Variants in PCDHA12 observed in about 807,000 individuals in gnomAD.
PCDHA12 encodes the protein protocadherin alpha-12.
A neutral mutation model predicts 60.0 loss-of-function variants in PCDHA12; 44 were observed. The ratio of observed to expected loss-of-function variants is 0.73; its 90% CI spans 0.58 to 0.94. PCDHA12 has a LOEUF of 0.94. PCDHA12 is among the 40% of genes least tolerant of loss of function. The pLI is 0.00. For synonymous variants in PCDHA12, 569 were observed against 553.0 expected (o/e 1.03, Z -0.40); for missense variants, 1,276 against 1,239.7 (o/e 1.03, Z -0.44).
chr5:141,000,780 A>G (rs2097963386), intron 3 of PCDHA12, among the ~76,000 whole-genome samples: 1 of 151,780 alleles, frequency 6.6e-6, no homozygotes, highest in Admixed American at 6.6e-5. Context: ...AGTGGCGCAC[A>G]CCTGTATTCC....
rs147219331 is a variant in PCDHA12, at chr5:140,927,900, T to C, written c.2367+50061T>C. On this transcript the variant is annotated intron_variant, in intron 1 of 3. Transcript: ENST00000398631. Reference sequence around the variant, plus strand: ...TGGAGGTGACTGACGTGAACGATCATGCCCCCGAACTGGACTTCCTGACTC... The same window carrying C: ...TGGAGGTGACTGACGTGAACGATCACGCCCCCGAACTGGACTTCCTGACTC... 2,142 of 1,614,232 alleles carry C rather than the reference T, an allele frequency of 1.3e-3. 2 individuals are homozygous for C. The highest frequency in any genetic ancestry group is 1.7e-3 in the Non-Finnish European group (2,053 of 1,180,040).
chr5:140,956,044 T>G (rs1335890349), intron 1 of PCDHA12, among the ~76,000 whole-genome samples: 1 of 152,200 alleles, frequency 6.6e-6, no homozygotes, highest in African/African-American at 2.4e-5. Context: ...AAGAAGCTTT[T>G]GGGCTGAGAC....
intron 1 of PCDHA12, among the ~76,000 whole-genome samples, chr5:140,879,426 G>T (rs2057986144): frequency 6.6e-6 from 1 of 152,302 alleles, no homozygotes; most frequent in South Asian, 2.1e-4. Flanking sequence ...GAATGGAGAT[G>T]AACATTTAAG....
At position 141,010,550 on chromosome 5, in the gene PCDHA12, ACCCC is replaced by A; in HGVS notation, c.*615_*618del. 6.3e-6 allele frequency: 2 copies of A among 316,712 alleles called. No homozygotes were observed. Among genetic ancestry groups the A allele is most frequent in the South Asian group, 1.1e-4 (2 of 17,516 alleles). The allele number at this position is 316,712 out of a possible 1,614,324, so 19.6% of individuals were successfully genotyped here. A position where few individuals can be genotyped will look rare whatever the true frequency, so the allele number is the denominator to read the frequency against. On this transcript the variant is annotated 3_prime_UTR_variant, in exon 4 of 4. Coordinates refer to ENST00000398631, the MANE Select transcript of PCDHA12 (RefSeq NM_018903.4). ...CAGCCACCCTCTAGGAGACAAAACT[ACCCC>A]CACTGACAAGGCTTTAGGAGACCCT...
chr5:140,902,657 T>G (rs1331790009), intron 1 of PCDHA12, among the ~76,000 whole-genome samples: 2 of 152,160 alleles, frequency 1.3e-5, no homozygotes, highest in Non-Finnish European at 2.9e-5. Context: ...GGTGCACCTG[T>G]CACCCAAGCA....
chr5:140,973,812 G>A (rs897592585), intron 1 of PCDHA12, among the ~76,000 whole-genome samples: 10 of 152,236 alleles, frequency 6.6e-5, no homozygotes, highest in Admixed American at 6.5e-4. Context: ...TGACAGAATA[G>A]CAAAGTCAGT....
At chr5:140,959,285 G>A (rs2095478960) in intron 1 of PCDHA12, among the ~76,000 whole-genome samples, 1 of 152,002 alleles carries the variant, frequency 6.6e-6, no homozygotes, top group African/African-American at 2.4e-5. Flanking sequence ...CCTGAGGTGG[G>A]AGCATCACTG....
At chr5:140,882,755 G>T in intron 1 of PCDHA12, 1 of 1,614,230 alleles carries the variant, frequency 6.2e-7, no homozygotes, top group Non-Finnish European at 8.5e-7. Flanking sequence ...TGCAGATATT[G>T]GAGTAAACTC....
intron 1 of PCDHA12, among the ~76,000 whole-genome samples, chr5:140,925,706 T>C (rs371734955): frequency 2.0e-5 from 3 of 151,422 alleles, no homozygotes; most frequent in Admixed American, 6.6e-5. Context: ...AGCCTATTCT[T>C]ATCCTGCCTC....
chr5:140,912,533 A>G (rs570012858), intron 1 of PCDHA12, among the ~76,000 whole-genome samples: 1 of 152,224 alleles, frequency 6.6e-6, no homozygotes, highest in African/African-American at 2.4e-5. Flanking sequence ...AGAGTACATG[A>G]TCATATTGTC....
rs77940063 is a variant in PCDHA12, at chr5:140,966,638, T to G, written c.2368-12311T>G. Reference sequence around the variant, plus strand: ...ACGGAGGGAGCGGCCCCAGGCGCTTTCTAGAGCGTGAGCGGTGGGGGAGCA... The same window carrying G: ...ACGGAGGGAGCGGCCCCAGGCGCTTGCTAGAGCGTGAGCGGTGGGGGAGCA... On this transcript the variant is annotated intron_variant, in intron 1 of 3. Transcript: ENST00000398631. The G allele has an allele frequency of 3.9e-3, 4,251 of 1,090,104 alleles. 104 individuals carry two copies. The African/African-American group carries it at 0.057, about 15-fold the overall frequency. 67.5% of individuals were successfully genotyped at this position (1,090,104 alleles called of 1,614,324 possible).
intron 1 of PCDHA12, chr5:140,928,913 G>T (rs782438428): frequency 2.5e-6 from 4 of 1,614,132 alleles, no homozygotes; most frequent in Non-Finnish European, 2.5e-6. Flanking sequence ...TGGGAACCAG[G>T]AGGGCAGCTT....
chr5:140,927,484 A>G (rs1554204601), intron 1 of PCDHA12: 2 of 1,613,906 alleles, frequency 1.2e-6, no homozygotes, highest in East Asian at 2.2e-5. Flanking sequence ...ACAGCGCGCC[A>G]CCCACCTGCT....
At chr5:140,896,099 C>T (rs1395621401) in intron 1 of PCDHA12, among the ~76,000 whole-genome samples, 1 of 152,236 alleles carries the variant, frequency 6.6e-6, no homozygotes, top group Non-Finnish European at 1.5e-5. Context: ...GCGTGAGCCA[C>T]TGTGCCTGGC....
rs781870271 is a variant in PCDHA12, at chr5:140,968,199, T to C, written c.2368-10750T>C. The C allele has an allele frequency of 4.3e-6, 7 of 1,613,986 alleles. No homozygotes were observed. The South Asian group carries it at 7.7e-5, about 18-fold the overall frequency. The stretch of plus-strand genomic sequence containing the variant: ...CTGGAGGACTCCTATTCCATCTACA[T>C]ACAGGAGAACAATTTGCCAGGTGTG... On this transcript the variant is annotated intron_variant, in intron 1 of 3. Transcript: ENST00000398631.
rs541589842 is a variant in PCDHA12, at chr5:140,964,001, A to G, written c.2368-14948A>G. Reference sequence around the variant, plus strand: ...TCTATATTCCTAATTACTGTGTTCTACTTTTTAATAGAGAGCTCTTGAAGG... The same window carrying G: ...TCTATATTCCTAATTACTGTGTTCTGCTTTTTAATAGAGAGCTCTTGAAGG... On this transcript the variant is annotated intron_variant, in intron 1 of 3. Transcript: ENST00000398631. Among the ~76,000 whole-genome samples the G allele has an allele frequency of 9.2e-5, 14 of 152,286 alleles. No homozygotes were observed. The South Asian group carries it at 2.7e-3, about 29-fold the overall frequency.
chr5:140,967,737 A>G, intron 1 of PCDHA12: 1 of 1,614,170 alleles, frequency 6.2e-7, no homozygotes, highest in Non-Finnish European at 8.5e-7. Flanking sequence ...GGGGGGCTGG[A>G]TTATGAGGAA....
At chr5:140,934,988 C>A (rs901740982) in intron 1 of PCDHA12, among the ~76,000 whole-genome samples, 5 of 152,154 alleles carry the variant, frequency 3.3e-5, no homozygotes, top group Non-Finnish European at 7.4e-5. Context: ...AGTGATAACA[C>A]CCTGAATCCT....
chr5:140,882,583 C>A, intron 1 of PCDHA12: 1 of 1,614,232 alleles, frequency 6.2e-7, no homozygotes, highest in Non-Finnish European at 8.5e-7. Flanking sequence ...GCAGCATCCA[C>A]CTGGAGGTGA....
Sources: allele counts gnomAD v4.1 joint callset (sites outside exome capture counted in the v4.1 genomes callset), GRCh38; gene constraint gnomAD v4.1.1; transcripts MANE v1.5; gene names NCBI Gene and HGNC (gene_info 2026-07-23, HGNC 2026-07-21).